Variants in CPSF6 observed in about 807,000 individuals in gnomAD.
CPSF6 encodes the protein cleavage and polyadenylation specificity factor subunit 6.
Under a neutral mutation model 56.7 loss-of-function variants are expected in CPSF6, and 10 were observed. The observed-to-expected ratio is 0.18, with a 90% confidence interval of 0.11 to 0.30. The LOEUF (loss-of-function observed/expected upper bound fraction) is 0.30. Ranked by LOEUF, CPSF6 falls within the 10% of genes least tolerant of loss-of-function variation. The pLI is 1.00. For missense variants in CPSF6, 419 were observed against 722.9 expected (o/e 0.58, Z 4.82); for synonymous variants, 248 against 244.8 (o/e 1.01, Z -0.12).
intron 1 of CPSF6, among the ~76,000 whole-genome samples, chr12:69,243,375 G>A (rs576596004): frequency 1.3e-5 from 2 of 152,120 alleles, no homozygotes; most frequent in African/African-American, 2.4e-5. Context: ...ATCATGTGTC[G>A]CTTCACGATG....
chr12:69,250,612 A>G (rs370574308), intron 1 of CPSF6, among the ~76,000 whole-genome samples: 943 of 50,262 alleles, frequency 0.019, 28 homozygotes, highest in Non-Finnish European at 0.028. Context: ...AAAAAAGAAA[A>G]AAAAGAAAAG....
At position 69,272,305 on chromosome 12, in the gene CPSF6, A is replaced by G. The variant is rs145967894; in HGVS notation, c.*2797A>G. 1.8e-4 allele frequency: 27 copies of G among 151,816 alleles called. No homozygotes were observed. The highest frequency in any genetic ancestry group is 9.8e-4 in the Admixed American group (15 of 15,254). 9.4% of individuals were successfully genotyped at this position (151,816 alleles called of 1,614,324 possible). A position where few individuals can be genotyped will look rare whatever the true frequency, so the allele number is the denominator to read the frequency against. ...ACACAGATAACTTGTAGCTTAAGAT[A>G]CTATTTTCATTTAATTCTCCTGTGG... On this transcript the variant is annotated 3_prime_UTR_variant, in exon 10 of 10. Coordinates refer to ENST00000435070, the MANE Select transcript of CPSF6 (RefSeq NM_007007.3).
intron 7 of CPSF6, 67 bp downstream of exon 7, chr12:69,259,610 C>A: frequency 7.5e-7 from 1 of 1,332,852 alleles, no homozygotes; most frequent in Non-Finnish European, 1.0e-6. Context: ...AATGTAAGTA[C>A]AATCTAGAAG....
rs774623128 is a variant in CPSF6, at chr12:69,257,684, A to G, written c.521-48A>G. 7.8e-6 allele frequency: 12 copies of G among 1,546,466 alleles called. No homozygotes were observed. The East Asian group carries it at 2.3e-4, about 29-fold the overall frequency. ...TTTAATAATAGTGGTTACATTTCAG[A>G]AAACTATTTTTAATAAGTGCTATTT... On this transcript the variant is annotated intron_variant, in intron 4 of 9. Transcript: ENST00000435070.
Position 69,258,234 on chromosome 12 carries a change from G to T in CPSF6, c.694+329G>T. On this transcript the variant is annotated intron_variant, in intron 5 of 9. Coordinates refer to ENST00000435070, the MANE Select transcript of CPSF6 (RefSeq NM_007007.3). This position sits in a 1 kb window ranked among gnomAD's most constrained non-coding sequence, Gnocchi z 4.2. ...TTACCTCTTAAAAAAATCCTTTCAA[G>T]ATCATTTTTCCTTGTTTCACTTTCT... 3.7e-6 allele frequency: 3 copies of T among 802,944 alleles called. No individual in the cohort carries two copies. Among genetic ancestry groups the T allele is most frequent in the Non-Finnish European group, 5.9e-6 (3 of 512,380 alleles). 49.7% of individuals were successfully genotyped at this position (802,944 alleles called of 1,614,324 possible). A position where few individuals can be genotyped will look rare whatever the true frequency, so the allele number is the denominator to read the frequency against.
chr12:69,247,108 GA>G (rs1871949824), intron 1 of CPSF6, among the ~76,000 whole-genome samples: 1 of 120,342 alleles, frequency 8.3e-6, no homozygotes, highest in Non-Finnish European at 1.8e-5. Flanking sequence ...AAAATTGTAA[GA>G]GGGGTAATTA....
At chr12:69,254,654 A>G (rs1592801640) in intron 3 of CPSF6, among the ~76,000 whole-genome samples, 2 of 152,314 alleles carry the variant, frequency 1.3e-5, no homozygotes, top group East Asian at 3.9e-4. Context: ...TGCTTAATAA[A>G]TATTTGTTAA....
At chr12:69,253,981 T>A (rs1435849923) in intron 3 of CPSF6, among the ~76,000 whole-genome samples, 1 of 152,180 alleles carries the variant, frequency 6.6e-6, no homozygotes, top group African/African-American at 2.4e-5. Context: ...TTATATTGCT[T>A]ACTTATCTTA....
chr12:69,266,027 G>GA lies in CPSF6; in HGVS notation c.*4-3470dup, dbSNP rs10556524. 5.6e-3 allele frequency among the ~76,000 whole-genome samples: 747 copies of GA among 132,728 alleles called. 3 individuals carry two copies. The highest frequency in any genetic ancestry group is 0.013 in the African/African-American group (490 of 36,664). 87.1% of individuals were successfully genotyped at this position (132,728 alleles called of 152,430 possible). On this transcript the variant is annotated intron_variant, in intron 9 of 9. Coordinates refer to ENST00000435070, the MANE Select transcript of CPSF6 (RefSeq NM_007007.3). ...AGCTTATTAGCTTTGTGTTAATTTT[G>GA]AAAAAAAAAAAAAAAGCCAAAAGAA...
In CPSF6 at chr12:69,254,301, A is replaced by C. The variant is rs115593754; in HGVS notation, c.374+1147A>C. ...CCCACCACCTTTCTAACCCTATCCT[A>C]CCACTCTTTTTCAGCCACATTAGTC... On this transcript the variant is annotated intron_variant, in intron 3 of 9. Transcript: ENST00000435070. Among the ~76,000 whole-genome samples, 481 of 152,180 alleles carry C rather than the reference A, an allele frequency of 3.2e-3. 2 individuals are homozygous for C. The highest frequency in any genetic ancestry group is 0.01 in the African/African-American group (417 of 41,522).
intron 1 of CPSF6, among the ~76,000 whole-genome samples, chr12:69,244,893 A>G (rs989165460): frequency 1.3e-5 from 2 of 152,174 alleles, no homozygotes; most frequent in Admixed American, 6.5e-5. Flanking sequence ...TGAAGGACTG[A>G]CTTGCCTGAG....
intron 1 of CPSF6, among the ~76,000 whole-genome samples, chr12:69,245,715 T>TAATGTGGAA (rs1222015890): frequency 6.6e-6 from 1 of 152,210 alleles, no homozygotes; most frequent in Non-Finnish European, 1.5e-5. Context: ...CAGAAACTCT[T>TAATGTGGAA]AATGTGGAAT....
At chr12:69,241,510 G>A (rs780953242) in intron 1 of CPSF6, among the ~76,000 whole-genome samples, 2 of 152,244 alleles carry the variant, frequency 1.3e-5, no homozygotes, top group South Asian at 4.1e-4. Context: ...GAAGAATTGG[G>A]TCTCAATTTT....
At position 69,260,078 on chromosome 12, in the gene CPSF6, T is replaced by C. The variant is rs1872681434; in HGVS notation, c.1350T>C (p.Thr450=). The C allele has an allele frequency of 6.2e-7, 1 of 1,613,314 alleles. No individual in the cohort carries two copies. Among genetic ancestry groups the C allele is most frequent in the African/African-American group, 1.3e-5 (1 of 74,898 alleles). Residue 450 remains threonine (T), a synonymous_variant, in exon 8 of 10, where the codon ACT becomes ACC. Transcript: ENST00000435070. The part of the protein sequence containing the change: ...DYGSAIETLV[T]AISLIKQSKV... ...GGAGTGCTATTGAGACACTGGTAACTGCAATTTCTTTAATTAAACAATCCA... is the reference window on the plus strand; with the variant it reads ...GGAGTGCTATTGAGACACTGGTAACCGCAATTTCTTTAATTAAACAATCCA...
intron 1 of CPSF6, among the ~76,000 whole-genome samples, chr12:69,243,092 CAAA>C (rs112330564): frequency 6.8e-6 from 1 of 146,600 alleles, no homozygotes; most frequent in African/African-American, 2.5e-5. Flanking sequence ...GACCCTGTCT[CAAA>C]AAAAAAAGAT....
chr12:69,255,264 TTTTTC>T (rs1398772399), intron 3 of CPSF6: 2 of 152,218 alleles, frequency 1.3e-5, no homozygotes, highest in African/African-American at 2.4e-5. Context: ...ATATAGCACT[TTTTTC>T]TTTTAATCTA....
intron 3 of CPSF6, 86 bp downstream of exon 3, chr12:69,253,240 A>G (rs913249624): frequency 1.5e-5 from 9 of 593,422 alleles, no homozygotes; most frequent in Non-Finnish European, 2.4e-5. Flanking sequence ...AATGTTAATT[A>G]CACATGTATA....
At chr12:69,241,071 A>C (rs1434307191) in intron 1 of CPSF6, among the ~76,000 whole-genome samples, 1 of 152,190 alleles carries the variant, frequency 6.6e-6, no homozygotes, top group East Asian at 1.9e-4. Flanking sequence ...AAGGAAACTC[A>C]AGAGATCTTT....
chr12:69,239,796 C>T, intron 1 of CPSF6, 90 bp downstream of exon 1: 3 of 1,312,632 alleles, frequency 2.3e-6, no homozygotes, highest in Non-Finnish European at 3.0e-6. Context: ...CGAGCCGAAG[C>T]GACTGCAGAG....
Sources: gnomAD v4.1 joint callset for allele counts (sites outside exome capture counted in the v4.1 genomes callset) on GRCh38, gnomAD v4.1.1 for gene constraint, Gnocchi (gnomAD v3.1) non-coding constraint, MANE v1.5 for transcripts, NCBI Gene and HGNC (gene_info 2026-07-23, HGNC 2026-07-21) for gene names.